MMS22L: variants seen among roughly 807,000 people sequenced by gnomAD.
MMS22L encodes protein MMS22-like.
In MMS22L, 74 loss-of-function variants were observed where a neutral mutation model predicts 159.1. That is an observed-to-expected ratio of 0.47 (90% CI 0.39 to 0.56). MMS22L has a LOEUF of 0.56. Ranked by LOEUF, MMS22L falls within the 20% of genes least tolerant of loss-of-function variation. The pLI, the probability that MMS22L is intolerant of heterozygous loss-of-function variation, is 0.00. For missense variants in MMS22L, 1,351 were observed against 1,422.1 expected, an observed-to-expected ratio of 0.95 and a Z score of 0.80; for synonymous variants, 517 against 506.9, an observed-to-expected ratio of 1.02 and a Z score of -0.27.
intron 14 of MMS22L, among the ~76,000 whole-genome samples, chr6:97,220,935 A>T (rs1222186678): frequency 6.6e-6 from 1 of 150,820 alleles, no homozygotes; most frequent in Non-Finnish European, 1.5e-5. Flanking sequence ...TGGGTAAAAA[A>T]ACCATCCAAG....
intron 22 of MMS22L, among the ~76,000 whole-genome samples, chr6:97,152,869 G>C (rs1582363108): frequency 2.2e-5 from 3 of 135,080 alleles, no homozygotes; most frequent in South Asian, 4.6e-4. Context: ...GCAGAGTCTT[G>C]CTCTGTCACC....
intron 4 of MMS22L, among the ~76,000 whole-genome samples, chr6:97,273,845 GCT>G (rs763599421): frequency 4.6e-5 from 7 of 152,028 alleles, no homozygotes; most frequent in Non-Finnish European, 8.8e-5. Flanking sequence ...GTCTTTCCAT[GCT>G]CTCTTTTGTC....
At position 97,254,634 on chromosome 6, in the gene MMS22L, A is replaced by G. The variant is rs1230979536; in HGVS notation, c.1042T>C (p.Leu348=). The change falls in exon 10 of 25, where the codon TTA becomes CTA. Residue 348 remains leucine, a synonymous_variant. Coordinates refer to ENST00000683635, the MANE Select transcript of MMS22L (RefSeq NM_001350599.2). ...GTAATAATCCACCAACTAAAACCTA[A>G]TGGATCCCTGGACTGGATTACAGGC... ...SMPVIQSRDP[L]GFSWWIITHV... 3.7e-6 allele frequency: 6 copies of G among 1,613,590 alleles called. No homozygotes were observed. Among genetic ancestry groups the G allele is most frequent in the Non-Finnish European group, 5.1e-6 (6 of 1,179,686 alleles).
intron 9 of MMS22L, chr6:97,261,517 G>A (rs1413709804): frequency 6.6e-6 from 1 of 152,080 alleles, no homozygotes; most frequent in African/African-American, 2.4e-5. Context: ...AGTTTATCAT[G>A]TATATAATAC....
intron 9 of MMS22L, among the ~76,000 whole-genome samples, chr6:97,258,356 T>A (rs1814059485): frequency 6.6e-6 from 1 of 152,180 alleles, no homozygotes; most frequent in Non-Finnish European, 1.5e-5. Flanking sequence ...CCATGCTTCA[T>A]CCTGTAATCA....
intron 14 of MMS22L, among the ~76,000 whole-genome samples, chr6:97,204,675 G>GTCCC (rs1807559990): frequency 6.6e-6 from 1 of 151,318 alleles, no homozygotes; most frequent in Non-Finnish European, 1.5e-5. Flanking sequence ...TGCACCTGTA[G>GTCCC]TCCCAGCTAC....
At chr6:97,205,643 T>C (rs1807704178) in intron 14 of MMS22L, among the ~76,000 whole-genome samples, 1 of 152,194 alleles carries the variant, frequency 6.6e-6, no homozygotes, top group African/African-American at 2.4e-5. Flanking sequence ...GTGAAGATTC[T>C]ACTATAATTC....
At chr6:97,241,986 A>AT (rs1562496962) in intron 11 of MMS22L, among the ~76,000 whole-genome samples, 1 of 152,090 alleles carries the variant, frequency 6.6e-6, no homozygotes. Context: ...TATAATTTCA[A>AT]TTTTTTAAAA....
intron 14 of MMS22L, among the ~76,000 whole-genome samples, chr6:97,201,439 G>C (rs1807153766): frequency 6.6e-6 from 1 of 152,114 alleles, no homozygotes; most frequent in African/African-American, 2.4e-5. Flanking sequence ...AGAACTGCTG[G>C]ATCACTAAAC....
At chr6:97,156,804 CTTTT>C (rs923475386) in intron 22 of MMS22L, among the ~76,000 whole-genome samples, 3 of 151,826 alleles carry the variant, frequency 2.0e-5, no homozygotes, top group Non-Finnish European at 4.4e-5. Context: ...GCTATGCACA[CTTTT>C]TTTTGGTTCC....
intron 9 of MMS22L, chr6:97,260,132 A>G (rs1352137260): frequency 6.6e-6 from 1 of 152,210 alleles, no homozygotes; most frequent in Non-Finnish European, 1.5e-5. Context: ...CAGTTTTAGT[A>G]AGACTTGTCT....
Position 97,168,224 on chromosome 6 carries a change from T to A in MMS22L, c.2856A>T (p.Ser952=). The A allele has an allele frequency of 6.2e-7, 1 of 1,612,610 alleles. No individual in the cohort carries two copies. Among genetic ancestry groups the A allele is most frequent in the East Asian group, 2.2e-5 (1 of 44,826 alleles). ...TYGMMGILVK[S]WAQIFATSKA... is the part of the protein sequence containing the mutation. ...TAGAAGTGGCAAAGATTTGTGCCCA[T>A]GATTTCACAAGAATTCCTAACAAAG... The change falls in exon 20 of 25, where the codon TCA becomes TCT. Residue 952 remains serine (S), a synonymous_variant. Transcript: ENST00000683635.
Position 97,186,555 on chromosome 6 carries a change from C to T in MMS22L, c.2175G>A (p.Leu725=). 6.2e-7 allele frequency: 1 copy of T among 1,612,842 alleles called. No individual in the cohort carries two copies. The highest frequency in any genetic ancestry group is 8.5e-7 in the Non-Finnish European group (1 of 1,179,488). The change falls in exon 15 of 25, where the codon TTG becomes TTA. Residue 725 remains leucine (L), a synonymous_variant. Coordinates refer to ENST00000683635, the MANE Select transcript of MMS22L (RefSeq NM_001350599.2). ...CTACCTGTGACATTCTCTGACTCTTCAAAAATGAAAAGAAATGTCTCCACA... is the reference window on the plus strand; with the variant it reads ...CTACCTGTGACATTCTCTGACTCTTTAAAAATGAAAAGAAATGTCTCCACA... ...SALWRHFFSF[L]KSQRMSQVVP... is the part of the protein sequence containing the mutation.
At chr6:97,191,203 G>A (rs188116797) in intron 14 of MMS22L, among the ~76,000 whole-genome samples, 10 of 152,190 alleles carry the variant, frequency 6.6e-5, no homozygotes, top group East Asian at 1.9e-4. Flanking sequence ...CATATGAGAC[G>A]CATGGAACCC....
Position 97,165,258 on chromosome 6 carries a change from A to G in MMS22L, c.3209T>C (p.Val1070Ala), listed in dbSNP as rs759369765. Residue 1070 changes from valine (V) to alanine (A), a missense_variant, in exon 21 of 25, where the codon GTG (valine) becomes GCG (alanine). Coordinates refer to ENST00000683635, the MANE Select transcript of MMS22L (RefSeq NM_001350599.2). ...PPISSLKKCI[V>A]QVIRKSYLEY... ...TATTTAGATGTACCTTATGACTTGCACAATGCATTTCTTTAGAGATGATAT... is the reference window on the plus strand; with the variant it reads ...TATTTAGATGTACCTTATGACTTGCGCAATGCATTTCTTTAGAGATGATAT... The G allele has an allele frequency of 1.9e-6, 3 of 1,612,158 alleles. No individual in the cohort carries two copies. The highest frequency in any genetic ancestry group is 3.3e-5 in the Admixed American group (2 of 59,848).
chr6:97,271,143 T>C (rs1430371343), intron 6 of MMS22L: 9 of 152,118 alleles, frequency 5.9e-5, no homozygotes, highest in Non-Finnish European at 1.0e-4. Flanking sequence ...AAGACTGTTA[T>C]AACAAATATA....
intron 19 of MMS22L, among the ~76,000 whole-genome samples, chr6:97,169,918 C>T (rs767798833): frequency 6.6e-5 from 10 of 151,920 alleles, no homozygotes; most frequent in Admixed American, 1.3e-4. Flanking sequence ...TAGGGTACCA[C>T]GTGGTATAGT....
At chr6:97,179,134 C>G (rs1278162363) in intron 17 of MMS22L, among the ~76,000 whole-genome samples, 1 of 151,950 alleles carries the variant, frequency 6.6e-6, no homozygotes, top group African/African-American at 2.4e-5. Flanking sequence ...AGCTTGTCAC[C>G]TGAGAAGCAA....
At chr6:97,187,941 C>A (rs1321958623) in intron 14 of MMS22L, among the ~76,000 whole-genome samples, 4 of 152,092 alleles carry the variant, frequency 2.6e-5, no homozygotes, top group Admixed American at 2.6e-4. Flanking sequence ...TTACTTAATA[C>A]TACAGGAAAT....
Sources: gnomAD v4.1 joint callset for allele counts (sites outside exome capture counted in the v4.1 genomes callset) on GRCh38, gnomAD v4.1.1 for gene constraint, MANE v1.5 for transcripts, NCBI Gene and HGNC (gene_info 2026-07-23, HGNC 2026-07-21) for gene names.